Variants in EXOC4 observed in about 807,000 individuals in gnomAD.
The protein encoded by EXOC4 is SEC8-like 1.
In EXOC4, 71 loss-of-function variants were observed where a neutral mutation model predicts 107.2. The ratio of observed to expected loss-of-function variants is 0.66; its 90% CI spans 0.55 to 0.81. The LOEUF (loss-of-function observed/expected upper bound fraction) is 0.81, where lower values mean the gene tolerates loss of function less well. Ranked by LOEUF, EXOC4 falls within the 30% of genes least tolerant of loss-of-function variation. The probability of loss-of-function intolerance (pLI) is 0.00; values close to 1 mark genes in which losing one functional copy is unlikely to be tolerated. For missense variants in EXOC4, 1,108 were observed against 1,189.6 expected, an observed-to-expected ratio of 0.93 and a Z score of 1.01; for synonymous variants, 456 against 441.2, an observed-to-expected ratio of 1.03 and a Z score of -0.42.
chr7:133,344,790 A>G (rs1795748006), intron 5 of EXOC4, among the ~76,000 whole-genome samples: 1 of 152,270 alleles, frequency 6.6e-6, no homozygotes, highest in South Asian at 2.1e-4. Flanking sequence ...TTTTAGATCA[A>G]CCTTAAGTTC....
At chr7:133,564,159 G>A (rs1800861855) in intron 9 of EXOC4, among the ~76,000 whole-genome samples, 1 of 152,182 alleles carries the variant, frequency 6.6e-6, no homozygotes, top group Admixed American at 6.5e-5. Context: ...AGATTTAATT[G>A]GCTCACGGTT....
At chr7:133,325,033 C>G (rs1015399204) in intron 5 of EXOC4, among the ~76,000 whole-genome samples, 2 of 152,052 alleles carry the variant, frequency 1.3e-5, no homozygotes, top group Admixed American at 6.6e-5. Context: ...GGATTGCAAC[C>G]CCTGCCTTTT....
At chr7:133,960,947 A>G (rs1326335561) in intron 14 of EXOC4, among the ~76,000 whole-genome samples, 1 of 152,190 alleles carries the variant, frequency 6.6e-6, no homozygotes, top group Non-Finnish European at 1.5e-5. Flanking sequence ...GGTAGGCAGA[A>G]CAAATGGCTC....
At chr7:133,714,220 A>G (rs1233460129) in intron 10 of EXOC4, among the ~76,000 whole-genome samples, 2 of 152,316 alleles carry the variant, frequency 1.3e-5, no homozygotes, top group East Asian at 3.9e-4. Flanking sequence ...CAAGGGAGTG[A>G]CAGACAGCTG....
At chr7:133,736,321 G>A (rs1795444536) in intron 10 of EXOC4, among the ~76,000 whole-genome samples, 1 of 152,114 alleles carries the variant, frequency 6.6e-6, no homozygotes, top group Non-Finnish European at 1.5e-5. Context: ...ATCATTCTGT[G>A]TAGAACAGTG....
At chr7:133,690,768 G>C (rs1417005318) in intron 10 of EXOC4, among the ~76,000 whole-genome samples, 1 of 152,148 alleles carries the variant, frequency 6.6e-6, no homozygotes, top group Non-Finnish European at 1.5e-5. Context: ...AGTAGTCTCA[G>C]GGTCTTGTAT....
the EXOC4 span, among the ~76,000 whole-genome samples, chr7:134,078,295 G>GA: frequency 3.3e-5 from 5 of 150,352 alleles, no homozygotes; most frequent in Non-Finnish European, 4.4e-5. Flanking sequence ...CACATAAACA[G>GA]AAAAAAAACT....
chr7:133,557,934 T>A (rs1800726074), intron 9 of EXOC4, among the ~76,000 whole-genome samples: 1 of 152,138 alleles, frequency 6.6e-6, no homozygotes, highest in African/African-American at 2.4e-5. Context: ...GAGGTTGCAG[T>A]GAGCCAAGAT....
At chr7:134,072,689 A>G in the EXOC4 span, among the ~76,000 whole-genome samples, 2 of 152,214 alleles carry the variant, frequency 1.3e-5, no homozygotes, top group Admixed American at 1.3e-4. Context: ...ACAAGTGCTT[A>G]AAAATGCCCT....
At chr7:133,719,327 C>T (rs953194979) in intron 10 of EXOC4, among the ~76,000 whole-genome samples, 2 of 152,036 alleles carry the variant, frequency 1.3e-5, no homozygotes, top group African/African-American at 2.4e-5. Flanking sequence ...TTGGTTATGT[C>T]TTTATTAGCA....
chr7:134,035,838 A>G (rs1585340654), intron 17 of EXOC4, among the ~76,000 whole-genome samples: 1 of 152,172 alleles, frequency 6.6e-6, no homozygotes, highest in East Asian at 1.9e-4. Flanking sequence ...ACACATTGGA[A>G]GAAGAGTGTT....
At chr7:133,638,734 G>A (rs972029139) in intron 10 of EXOC4, among the ~76,000 whole-genome samples, 3 of 152,202 alleles carry the variant, frequency 2.0e-5, no homozygotes, top group East Asian at 1.9e-4. Context: ...AAGAAAACTA[G>A]CTTTCTTCTG....
intron 11 of EXOC4, among the ~76,000 whole-genome samples, chr7:133,855,124 TATAA>T (rs1287871679): frequency 3.7e-5 from 2 of 54,262 alleles, no homozygotes; most frequent in Non-Finnish European, 6.6e-5. Flanking sequence ...AATATATATA[TATAA>T]ATATATATAT....
chr7:133,578,908 G>T (rs878920272), intron 9 of EXOC4, among the ~76,000 whole-genome samples: 1 of 152,122 alleles, frequency 6.6e-6, no homozygotes, highest in Admixed American at 6.5e-5. Context: ...AAATGACTTT[G>T]CAGTGCCACG....
intron 4 of EXOC4, among the ~76,000 whole-genome samples, chr7:133,309,569 G>T (rs1340960366): frequency 6.6e-6 from 1 of 152,092 alleles, no homozygotes; most frequent in Non-Finnish European, 1.5e-5. Flanking sequence ...CATTAAATAG[G>T]TACATGTATA....
At chr7:133,903,059 G>T (rs142629903) in intron 12 of EXOC4, among the ~76,000 whole-genome samples, 72 of 152,282 alleles carry the variant, frequency 4.7e-4, no homozygotes, top group African/African-American at 1.5e-3. Flanking sequence ...TGGGTAGAGT[G>T]CACTGGCACA....
At chr7:133,868,829 T>A (rs1798694616) in intron 11 of EXOC4, among the ~76,000 whole-genome samples, 1 of 152,148 alleles carries the variant, frequency 6.6e-6, no homozygotes, top group Non-Finnish European at 1.5e-5. Flanking sequence ...AAATAATCTC[T>A]TTATCATCAT....
intron 4 of EXOC4, among the ~76,000 whole-genome samples, chr7:133,309,965 A>AT (rs1468192317): frequency 3.9e-5 from 6 of 152,256 alleles, no homozygotes; most frequent in Admixed American, 3.3e-4. Context: ...AAAAAAGGCT[A>AT]TGTAGTCAAG....
intron 14 of EXOC4, among the ~76,000 whole-genome samples, chr7:133,941,025 C>CT (rs774809098): frequency 0.011 from 1,573 of 143,876 alleles, 15 homozygotes; most frequent in African/African-American, 0.02. Context: ...TTCTTTTTTT[C>CT]TTTTTTTTTT....
Sources: allele counts gnomAD v4.1 joint callset (sites outside exome capture counted in the v4.1 genomes callset), GRCh38; gene constraint gnomAD v4.1.1; transcripts MANE v1.5; gene names NCBI Gene and HGNC (gene_info 2026-07-23, HGNC 2026-07-21).